The following PAFAH1B1 variants were observed in gnomAD, a reference collection of about 807,000 sequenced individuals.
The protein encoded by PAFAH1B1 is platelet-activating factor acetylhydrolase IB subunit beta.
PAFAH1B1 carries 2 observed loss-of-function variants against 57.5 expected under a neutral mutation model. The ratio of observed to expected loss-of-function variants is 0.03; its 90% confidence interval spans 0.01 to 0.11. The LOEUF is 0.11. PAFAH1B1 is among the 10% of genes least tolerant of loss of function. The pLI is 1.00. For missense variants in PAFAH1B1, 257 were observed against 512.0 expected (o/e 0.50, Z 4.81); for synonymous variants, 152 against 169.6 (o/e 0.90, Z 0.81).
intron 9 of PAFAH1B1, among the ~76,000 whole-genome samples, chr17:2,678,002 A>G (rs1327492651): frequency 6.6e-6 from 1 of 152,098 alleles, no homozygotes. Context: ...CACTCCTGCA[A>G]TCCCAGCACT....
intron 1 of PAFAH1B1, among the ~76,000 whole-genome samples, chr17:2,609,307 G>C (rs556293415): frequency 6.6e-6 from 1 of 152,230 alleles, no homozygotes; most frequent in African/African-American, 2.4e-5. Flanking sequence ...ACCGCGCCCG[G>C]CTCCCGCTGC....
chr17:2,679,394 A>G (rs998505686), intron 9 of PAFAH1B1, among the ~76,000 whole-genome samples: 3 of 150,888 alleles, frequency 2.0e-5, no homozygotes, highest in Admixed American at 1.3e-4. Flanking sequence ...GGATGGATGG[A>G]TGGATGGATG....
intron 1 of PAFAH1B1, among the ~76,000 whole-genome samples, chr17:2,605,601 G>C (rs1276017153): frequency 6.6e-6 from 1 of 152,082 alleles, no homozygotes; most frequent in African/African-American, 2.4e-5. Flanking sequence ...TCCTTTTGCT[G>C]CTTTGACTCC....
At chr17:2,642,031 C>T (rs1360360095) in intron 2 of PAFAH1B1, 1 of 152,160 alleles carries the variant, frequency 6.6e-6, no homozygotes, top group Non-Finnish European at 1.5e-5. Flanking sequence ...GCCAGTGTCA[C>T]CAGTTGAAAA....
chr17:2,593,696 C>T lies in PAFAH1B1; in HGVS notation c.-501C>T. The stretch of plus-strand genomic sequence containing the variant: ...CGGGGCGGCGGCGGAGTCCGGCGGC[C>T]GGGAGAGCGAGTGAGCGAGCGGAGG... On this transcript the variant is annotated 5_prime_UTR_variant, in exon 1 of 11. Coordinates refer to ENST00000397195, the MANE Select transcript of PAFAH1B1 (RefSeq NM_000430.4). 3.1e-6 allele frequency: 1 copy of T among 318,056 alleles called. No homozygotes were observed. Among genetic ancestry groups the T allele is most frequent in the Non-Finnish European group, 5.7e-6 (1 of 176,652 alleles). The allele number at this position is 318,056 out of a possible 1,614,324, so 19.7% of individuals were successfully genotyped here.
intron 1 of PAFAH1B1, among the ~76,000 whole-genome samples, chr17:2,629,836 G>A (rs370352024): frequency 3.9e-5 from 6 of 152,100 alleles, no homozygotes; most frequent in East Asian, 3.8e-4. Flanking sequence ...ATTATATAAC[G>A]TCCCTCTTTT....
intron 10 of PAFAH1B1, among the ~76,000 whole-genome samples, chr17:2,680,551 A>G (rs780942977): frequency 2.0e-5 from 3 of 152,192 alleles, no homozygotes; most frequent in Non-Finnish European, 4.4e-5. Context: ...CCACTGCACA[A>G]CATTGGTTTT....
chr17:2,680,287 C>T lies in PAFAH1B1; in HGVS notation c.1126C>T (p.Leu376Phe). 6.2e-7 allele frequency: 1 copy of T among 1,614,152 alleles called. No individual in the cohort carries two copies. The highest frequency in any genetic ancestry group is 8.5e-7 in the Non-Finnish European group (1 of 1,179,996). ...CAAGAACAAGCGATGCATGAAGACCCTCAATGCGCATGAACACTTTGTTAC... is the reference window on the plus strand; with the variant it reads ...CAAGAACAAGCGATGCATGAAGACCTTCAATGCGCATGAACACTTTGTTAC... ...DYKNKRCMKT[L>F]NAHEHFVTSL... The change falls in exon 10 of 11, where the codon CTC (leucine) becomes TTC (phenylalanine). Residue 376 changes from leucine (L) to phenylalanine (F), a missense_variant. Coordinates refer to ENST00000397195, the MANE Select transcript of PAFAH1B1 (RefSeq NM_000430.4).
At chr17:2,622,394 T>A (rs534130235) in intron 1 of PAFAH1B1, among the ~76,000 whole-genome samples, 160 of 152,288 alleles carry the variant, frequency 1.1e-3, no homozygotes, top group African/African-American at 3.6e-3. Context: ...ATTGGGTAAA[T>A]GCAGCCATTC....
At position 2,683,892 on chromosome 17, in the gene PAFAH1B1, T is replaced by G. The variant is rs2069425077; in HGVS notation, c.*2090T>G. 1 of 152,632 alleles carries G rather than the reference T, an allele frequency of 6.6e-6. No homozygotes were observed. Among genetic ancestry groups the G allele is most frequent in the Non-Finnish European group, 1.5e-5 (1 of 68,036 alleles). 9.5% of individuals were successfully genotyped at this position (152,632 alleles called of 1,614,324 possible). A position where few individuals can be genotyped will look rare whatever the true frequency, so the allele number is the denominator to read the frequency against. On this transcript the variant is annotated 3_prime_UTR_variant, in exon 11 of 11. Coordinates refer to ENST00000397195, the MANE Select transcript of PAFAH1B1 (RefSeq NM_000430.4). ...ATTTGTTTGTACATGTATAAATGTC[T>G]TGTATTTTAATTCATTTTTAGCATG...
chr17:2,593,590 G>GGGCGGCGGCGGCGGCGGCGGCGGC (rs552674446), upstream of PAFAH1B1, among the ~76,000 whole-genome samples: 48 of 148,772 alleles, frequency 3.2e-4, no homozygotes, highest in South Asian at 8.5e-4. Context: ...GGCGGGTCTG[G>GGGCGGCGGCGGCGGCGGCGGCGGC]GGCGGCGGCG....
chr17:2,659,519 CCAAAA>C, intron 2 of PAFAH1B1: 1 of 112,490 alleles, frequency 8.9e-6, no homozygotes, highest in Admixed American at 9.2e-5. Context: ...GACTGCCTCG[CCAAAA>C]AAAAAAAAAA....
chr17:2,630,735 G>A (rs1444737584), intron 1 of PAFAH1B1, among the ~76,000 whole-genome samples: 2 of 152,078 alleles, frequency 1.3e-5, no homozygotes, highest in African/African-American at 4.8e-5. Flanking sequence ...TCTTCCTCAG[G>A]AACACTGATT....
At chr17:2,669,370 T>A (rs1179345619) in intron 5 of PAFAH1B1, among the ~76,000 whole-genome samples, 2 of 151,546 alleles carry the variant, frequency 1.3e-5, no homozygotes, top group East Asian at 3.9e-4. Flanking sequence ...GTTCAAGCAA[T>A]TCTGCCTCAG....
intron 1 of PAFAH1B1, chr17:2,613,751 A>G: frequency 3.3e-6 from 1 of 299,534 alleles, no homozygotes; most frequent in Non-Finnish European, 6.7e-6. Flanking sequence ...ATCCACAGAG[A>G]GTCCCCCTGT....
intron 2 of PAFAH1B1, chr17:2,639,670 C>T (rs1432548243): frequency 1.3e-5 from 2 of 151,798 alleles, no homozygotes; most frequent in Non-Finnish European, 2.9e-5. Context: ...AATCTCGGCT[C>T]ACTGCAACCT....
intron 1 of PAFAH1B1, among the ~76,000 whole-genome samples, chr17:2,634,503 C>CATTG (rs1330134645): frequency 6.6e-6 from 1 of 152,190 alleles, no homozygotes. Context: ...TGGCTGTCCA[C>CATTG]ATTGAGTCAC....
At chr17:2,670,434 T>C (rs1466417325) in intron 6 of PAFAH1B1, 103 bp downstream of exon 6, 3 of 1,091,172 alleles carry the variant, frequency 2.7e-6, no homozygotes, top group African/African-American at 3.1e-5. Flanking sequence ...CACCTCTTAA[T>C]TGTCAGTATT....
At chr17:2,627,630 G>T (rs1457106576) in intron 1 of PAFAH1B1, among the ~76,000 whole-genome samples, 1 of 152,152 alleles carries the variant, frequency 6.6e-6, no homozygotes, top group South Asian at 2.1e-4. Context: ...TATGAAGAAT[G>T]ATGGTATTTT....
Sources: allele counts gnomAD v4.1 joint callset (sites outside exome capture counted in the v4.1 genomes callset), GRCh38; gene constraint gnomAD v4.1.1; transcripts MANE v1.5; gene names NCBI Gene and HGNC (gene_info 2026-07-23, HGNC 2026-07-21).